VSIG1: variants seen among roughly 807,000 people sequenced by gnomAD.
VSIG1 encodes V-set and immunoglobulin domain-containing protein 1.
VSIG1 carries 11 observed loss-of-function variants against 20.1 expected under a neutral mutation model. That is an observed-to-expected ratio of 0.55 (90% CI 0.34 to 0.91). The LOEUF is 0.91. Among genes scored for constraint, VSIG1 ranks in the 40% least tolerant of loss-of-function variants. The pLI, the probability that VSIG1 is intolerant of heterozygous loss-of-function variation, is 0.02. For synonymous variants in VSIG1, 126 were observed against 116.7 expected (o/e 1.08, Z -0.52); for missense variants, 283 against 298.8 (o/e 0.95, Z 0.39).
chrX:108,031,079 C>G, the VSIG1 span, among the ~76,000 whole-genome samples: 1 of 111,943 alleles, frequency 8.9e-6, no homozygotes, highest in Admixed American at 9.5e-5. Context: ...CAGCCCAGCT[C>G]TAATGATCCC....
At position 108,058,153 on chromosome X, in the gene VSIG1, T is replaced by A; in HGVS notation, c.165T>A (p.Leu55=). The change falls in exon 2 of 7, where the codon CTT becomes CTA. Residue 55 remains leucine, a synonymous_variant. Coordinates refer to ENST00000217957, the MANE Select transcript of VSIG1 (RefSeq NM_182607.5). Reference sequence around the variant, plus strand: ...CCACTGTGGCCTCCCGAGAACAGCTTTCCATCCAGTGGTCTTTCTTCCATA... The same window carrying A: ...CCACTGTGGCCTCCCGAGAACAGCTATCCATCCAGTGGTCTTTCTTCCATA... The part of the protein sequence containing the change: ...YTTTVASREQ[L]SIQWSFFHKK... 1 of 1,210,704 alleles carries A rather than the reference T, an allele frequency of 8.3e-7. No homozygotes were observed. The highest frequency in any genetic ancestry group is 1.1e-6 in the Non-Finnish European group (1 of 894,971).
intron 2 of VSIG1, among the ~76,000 whole-genome samples, chrX:108,062,161 G>C (rs1164149452): frequency 1.8e-5 from 2 of 111,101 alleles, no homozygotes; most frequent in Non-Finnish European, 3.8e-5. Flanking sequence ...ACACTACAGA[G>C]ACCCCACCTG....
rs184326733 is a variant in VSIG1 at position 108,067,646 on chromosome X, G to T, written c.412+512G>T. Among the ~76,000 whole-genome samples, 88 of 112,344 alleles carry T rather than the reference G, an allele frequency of 7.8e-4. 3 individuals carry two copies. In the East Asian group the frequency reaches 0.023, roughly 29 times the overall value. ...AGGACTGAAATTAATCTAGTGTTGAGAATCAACATATTTACATACAAATAT... is the reference window on the plus strand; with the variant it reads ...AGGACTGAAATTAATCTAGTGTTGATAATCAACATATTTACATACAAATAT... On this transcript the variant is annotated intron_variant, in intron 3 of 6. Coordinates refer to ENST00000217957, the MANE Select transcript of VSIG1 (RefSeq NM_182607.5).
chrX:108,075,319 C>T (rs1358325987), intron 5 of VSIG1, among the ~76,000 whole-genome samples: 1 of 112,133 alleles, frequency 8.9e-6, no homozygotes, highest in Non-Finnish European at 1.9e-5. Context: ...GTGAATGGGA[C>T]TCAGAAACGG....
chrX:108,062,912 C>T (rs759108868), intron 2 of VSIG1, among the ~76,000 whole-genome samples: 2 of 112,426 alleles, frequency 1.8e-5, no homozygotes, highest in African/African-American at 6.4e-5. Flanking sequence ...AAGCTAACTC[C>T]AACTCAGATT....
chrX:108,073,145 G>C (rs1602583564), intron 4 of VSIG1, 105 bp from the exon 5 acceptor site: 4 of 971,758 alleles, frequency 4.1e-6, no homozygotes, highest in East Asian at 3.1e-5. Context: ...TCTCAAGAAA[G>C]AGAGGCCAAT....
chrX:108,024,656 A>T, the VSIG1 span, among the ~76,000 whole-genome samples: 1 of 110,168 alleles, frequency 9.1e-6, no homozygotes, highest in Admixed American at 9.8e-5. Flanking sequence ...TTTCATCTTC[A>T]TCATCATCAT....
the VSIG1 span, among the ~76,000 whole-genome samples, chrX:108,035,986 A>G: frequency 9.6e-6 from 1 of 103,999 alleles, no homozygotes. Flanking sequence ...AATGAGGAGT[A>G]TAACTAACAC....
chrX:108,073,203 T>C (rs763569855), intron 4 of VSIG1, 47 bp from the exon 5 acceptor site: 36 of 1,193,164 alleles, frequency 3.0e-5, no homozygotes, highest in Non-Finnish European at 3.9e-5. Flanking sequence ...TGATGTTATC[T>C]GTATGCACAG....
chrX:108,070,248 C>G (rs1011939371), intron 3 of VSIG1, among the ~76,000 whole-genome samples: 4 of 111,449 alleles, frequency 3.6e-5, no homozygotes, highest in African/African-American at 1.3e-4. Flanking sequence ...TGAGCTGAGC[C>G]TTTTCCTCCC....
At chrX:108,029,794 A>G in the VSIG1 span, among the ~76,000 whole-genome samples, 1 of 111,594 alleles carries the variant, frequency 9.0e-6, no homozygotes, top group Non-Finnish European at 1.9e-5. Flanking sequence ...AAAAGGTGAG[A>G]GGAAGGTGAG....
intron 3 of VSIG1, among the ~76,000 whole-genome samples, chrX:108,068,061 G>A (rs2031169008): frequency 8.9e-6 from 1 of 112,015 alleles, no homozygotes. Flanking sequence ...TAATAGTTGA[G>A]TAGCTTGGAA....
the VSIG1 span, among the ~76,000 whole-genome samples, chrX:108,019,777 C>A: frequency 9.0e-6 from 1 of 111,701 alleles, no homozygotes; most frequent in Non-Finnish European, 1.9e-5. Context: ...TTTGTGGGAC[C>A]CAGCATGAGT....
At chrX:108,022,231 GTGT>G in the VSIG1 span, among the ~76,000 whole-genome samples, 4 of 111,855 alleles carry the variant, frequency 3.6e-5, no homozygotes, top group South Asian at 1.5e-3. Flanking sequence ...CTTTCAACAA[GTGT>G]TGTAGTTTTC....
the VSIG1 span, among the ~76,000 whole-genome samples, chrX:108,039,059 G>A: frequency 9.0e-6 from 1 of 111,532 alleles, no homozygotes; most frequent in Non-Finnish European, 1.9e-5. Flanking sequence ...AATACAAAGG[G>A]CACTGGAATT....
intron 5 of VSIG1, 159 bp downstream of exon 5, chrX:108,073,528 A>G: frequency 1.7e-6 from 1 of 592,041 alleles, no homozygotes. Flanking sequence ...CCATCCTAAT[A>G]TCTAATGCTC....
At chrX:108,062,576 T>G (rs2031049299) in intron 2 of VSIG1, among the ~76,000 whole-genome samples, 1 of 112,321 alleles carries the variant, frequency 8.9e-6, no homozygotes, top group Non-Finnish European at 1.9e-5. Flanking sequence ...GGACCTTCCA[T>G]GCCTTCTTCC....
At chrX:108,060,837 C>T (rs952550384) in intron 2 of VSIG1, among the ~76,000 whole-genome samples, 1 of 112,297 alleles carries the variant, frequency 8.9e-6, no homozygotes, top group Non-Finnish European at 1.9e-5. Flanking sequence ...TCAGTGAATG[C>T]GAGCTTTTAT....
intron 2 of VSIG1, among the ~76,000 whole-genome samples, chrX:108,065,055 C>G (rs760877714): frequency 6.3e-5 from 7 of 111,671 alleles, no homozygotes; most frequent in African/African-American, 2.3e-4. Context: ...ATAATGCAAG[C>G]AAGAAAACAC....
Sources: gnomAD v4.1 joint callset for allele counts (sites outside exome capture counted in the v4.1 genomes callset) on GRCh38, gnomAD v4.1.1 for gene constraint, MANE v1.5 for transcripts, NCBI Gene and HGNC (gene_info 2026-07-23, HGNC 2026-07-21) for gene names.